The following EPHA4 variants were observed in gnomAD, a reference collection of about 807,000 sequenced individuals.
EPHA4 encodes the protein ephrin type-A receptor 4.
A neutral mutation model predicts 108.3 loss-of-function variants in EPHA4; 19 were observed. That is an observed-to-expected ratio of 0.18 (90% CI 0.12 to 0.26). The LOEUF (loss-of-function observed/expected upper bound fraction) is 0.26, where lower values mean the gene tolerates loss of function less well. Among genes scored for constraint, EPHA4 ranks in the 10% least tolerant of loss-of-function variants. EPHA4 has a pLI of 1.00. For synonymous variants in EPHA4, 449 were observed against 455.5 expected, an observed-to-expected ratio of 0.99 and a Z score of 0.18; for missense variants, 917 against 1,254.0, an observed-to-expected ratio of 0.73 and a Z score of 4.06.
At chr2:221,472,410 T>A (rs559105143) in intron 5 of EPHA4, among the ~76,000 whole-genome samples, 11 of 151,930 alleles carry the variant, frequency 7.2e-5, no homozygotes. Context: ...AGCTACCCCC[T>A]TTTCAGTGTT....
rs140230097 is a variant in EPHA4, at chr2:221,493,159, T to C, written c.979+7858A>G. On this transcript the variant is annotated intron_variant, in intron 4 of 17. Coordinates refer to ENST00000281821, the MANE Select transcript of EPHA4 (RefSeq NM_004438.5). ...ACCCTCACTGACCTATTTCACAGAA[T>C]GTATGCCTCCCCCATCATTATATGA... Among the ~76,000 whole-genome samples the C allele has an allele frequency of 1.8e-4, 27 of 152,310 alleles. No homozygotes were observed. The East Asian group carries it at 5.0e-3, about 28-fold the overall frequency.
At chr2:221,569,725 G>A (rs1694771358) in intron 1 of EPHA4, among the ~76,000 whole-genome samples, 1 of 151,942 alleles carries the variant, frequency 6.6e-6, no homozygotes, top group Non-Finnish European at 1.5e-5. Context: ...AATTTGATCA[G>A]CCAGGCTGGC....
At chr2:221,444,743 T>A (rs1438872953) in intron 9 of EPHA4, among the ~76,000 whole-genome samples, 3 of 108,996 alleles carry the variant, frequency 2.8e-5, no homozygotes, top group Non-Finnish European at 5.4e-5. Context: ...TTTTTTTCTA[T>A]CTTTTTTTTT....
intron 3 of EPHA4, among the ~76,000 whole-genome samples, chr2:221,562,590 C>A (rs886336706): frequency 1.3e-5 from 2 of 152,158 alleles, no homozygotes; most frequent in African/African-American, 4.8e-5. Context: ...TCAACAATTA[C>A]CCAGAGAAAA....
Position 221,425,525 on chromosome 2 carries a change from CT to C in EPHA4, c.*502del, listed in dbSNP as rs548278031. The C allele has an allele frequency of 1.5e-3, 225 of 153,136 alleles. 3 individuals are homozygous for C. In the South Asian group the frequency reaches 0.018, roughly 13 times the overall value. 9.5% of individuals were successfully genotyped at this position (153,136 alleles called of 1,614,324 possible). ...TGAGCCACGTCGCTTTCTCCTAGGA[CT>C]TTTTTTTCCCCCATGGTATGAACCA... On this transcript the variant is annotated 3_prime_UTR_variant, in exon 17 of 18. Coordinates refer to ENST00000281821, the MANE Select transcript of EPHA4 (RefSeq NM_004438.5).
chr2:221,477,055 ATTATTAT>A, intron 5 of EPHA4, among the ~76,000 whole-genome samples: 1 of 151,432 alleles, frequency 6.6e-6, no homozygotes. Flanking sequence ...TTTTATTATT[ATTATTAT>A]TATTATTATT....
chr2:221,428,279 A>G (rs1269999642), intron 15 of EPHA4, among the ~76,000 whole-genome samples: 1 of 152,194 alleles, frequency 6.6e-6, no homozygotes, highest in Non-Finnish European at 1.5e-5. Context: ...GTGGTTCTTA[A>G]GCTTGTTCTG....
At chr2:221,545,585 C>T (rs1474907351) in intron 3 of EPHA4, among the ~76,000 whole-genome samples, 1 of 152,190 alleles carries the variant, frequency 6.6e-6, no homozygotes. Flanking sequence ...GACCTTCTAT[C>T]CTGCCATGCC....
At chr2:221,438,797 TA>T (rs68004766) in intron 11 of EPHA4, among the ~76,000 whole-genome samples, 64,999 of 151,662 alleles carry the variant, frequency 0.43, 15,436 homozygotes, top group African/African-American at 0.65. Context: ...AAAATAAAAA[TA>T]AAAAAAATCA....
intron 3 of EPHA4, among the ~76,000 whole-genome samples, chr2:221,562,441 A>G (rs761150672): frequency 1.3e-5 from 2 of 152,186 alleles, no homozygotes; most frequent in Non-Finnish European, 2.9e-5. Flanking sequence ...ATTTTCAGTC[A>G]ATCAAGTGGA....
intron 3 of EPHA4, among the ~76,000 whole-genome samples, chr2:221,559,040 A>T (rs972579211): frequency 1.3e-5 from 2 of 151,774 alleles, no homozygotes; most frequent in African/African-American, 2.4e-5. Context: ...AAAAGAAATC[A>T]TTTTTTTTGA....
At chr2:221,546,167 A>G (rs1352402673) in intron 3 of EPHA4, among the ~76,000 whole-genome samples, 1 of 152,222 alleles carries the variant, frequency 6.6e-6, no homozygotes, top group Admixed American at 6.5e-5. Flanking sequence ...CAGGCATTCA[A>G]GCCTATATGG....
At chr2:221,499,727 T>C (rs1438476748) in intron 4 of EPHA4, among the ~76,000 whole-genome samples, 1 of 46,296 alleles carries the variant, frequency 2.2e-5, no homozygotes, top group East Asian at 7.4e-4. Flanking sequence ...TATATATATA[T>C]ATATATATAT....
chr2:221,563,984 G>T lies in EPHA4; in HGVS notation c.570C>A (p.Ala190=). Residue 190 remains alanine (A), a synonymous_variant, in exon 3 of 18, where the codon GCC becomes GCA. Coordinates refer to ENST00000281821, the MANE Select transcript of EPHA4 (RefSeq NM_004438.5). ...GFYLAFQDVG[A]CIALVSVRVF... ...CACGGACTGATACCAGGGCGATGCA[G>T]GCCCCCACATCCTGAAAAGCCAGGT... The T allele has an allele frequency of 6.2e-7, 1 of 1,614,048 alleles. No individual in the cohort carries two copies. The highest frequency in any genetic ancestry group is 8.5e-7 in the Non-Finnish European group (1 of 1,180,032).
At chr2:221,513,210 A>G (rs1692883001) in intron 3 of EPHA4, among the ~76,000 whole-genome samples, 1 of 152,196 alleles carries the variant, frequency 6.6e-6, no homozygotes. Context: ...ACAGTCCAAT[A>G]GGAGACATAA....
chr2:221,566,957 G>GAAGGA (rs1553595972), intron 2 of EPHA4, among the ~76,000 whole-genome samples: 5 of 5,788 alleles, frequency 8.6e-4, no homozygotes, highest in South Asian at 6.3e-3. Context: ...AAGGAGAAGG[G>GAAGGA]GAAGAGGAAG....
intron 5 of EPHA4, among the ~76,000 whole-genome samples, chr2:221,481,290 T>C (rs1384166331): frequency 6.6e-6 from 1 of 152,048 alleles, no homozygotes. Context: ...TAGCAGAAAG[T>C]GATGTAGGAA....
chr2:221,501,261 A>C, intron 3 of EPHA4, 89 bp from the exon 4 acceptor site: 1 of 1,186,680 alleles, frequency 8.4e-7, no homozygotes, highest in Non-Finnish European at 1.1e-6. Flanking sequence ...GTTTCAGAAG[A>C]AGGGAGACGT....
Position 221,448,893 on chromosome 2 carries a change from G to A in EPHA4, c.1716-2712C>T, listed in dbSNP as rs147447474. ...AGAAACCCATGGCCTGAAGCTGCCC[G>A]GGAAAGCGTTTATCTGTTTTACATC... On this transcript the variant is annotated intron_variant, in intron 8 of 17. Coordinates refer to ENST00000281821, the MANE Select transcript of EPHA4 (RefSeq NM_004438.5). 2.6e-3 allele frequency among the ~76,000 whole-genome samples: 402 copies of A among 152,238 alleles called. 2 individuals carry two copies. Among genetic ancestry groups the A allele is most frequent in the African/African-American group, 8.4e-3 (351 of 41,542 alleles).
Sources: allele counts gnomAD v4.1 joint callset (sites outside exome capture counted in the v4.1 genomes callset), GRCh38; gene constraint gnomAD v4.1.1; transcripts MANE v1.5; gene names NCBI Gene and HGNC (gene_info 2026-07-23, HGNC 2026-07-21).